The following MED1 variants were observed in gnomAD, a reference collection of about 807,000 sequenced individuals.
The protein encoded by MED1 is mediator of RNA polymerase II transcription subunit 1.
In MED1, 17 loss-of-function variants were observed where a neutral mutation model predicts 121.3. The observed-to-expected ratio is 0.14, with a 90% confidence interval of 0.10 to 0.21. MED1 has a LOEUF of 0.21. MED1 is among the 10% of genes least tolerant of loss of function. The pLI is 1.00. For missense variants in MED1, 1,558 were observed against 1,919.4 expected, an observed-to-expected ratio of 0.81 and a Z score of 3.52; for synonymous variants, 661 against 694.4, an observed-to-expected ratio of 0.95 and a Z score of 0.76.
At position 39,419,858 on chromosome 17, in the gene MED1, G is replaced by A; in HGVS notation, c.1156C>T (p.Arg386Ter). 6.2e-7 allele frequency: 1 copy of A among 1,614,092 alleles called. No homozygotes were observed. The highest frequency in any genetic ancestry group is 8.5e-7 in the Non-Finnish European group (1 of 1,179,994). Residue 386 changes from arginine (R) to a stop codon, truncating the protein, a stop_gained, in exon 14 of 17, where the codon CGA (arginine) becomes TGA (stop). Transcript: ENST00000300651. LOFTEE classifies it high-confidence loss of function. ...LNKDAPLPDGRSLQGTLVSKI... is the reference protein window; with the variant it reads ...LNKDAPLPDG ...CTAACAAGGGTTCCCTGTAGACTTC[G>A]GCCATCTGGAAGAGGAGCATCCTTG...
chr17:39,412,205 CAT>C (rs1290878497), intron 16 of MED1, among the ~76,000 whole-genome samples: 1 of 150,694 alleles, frequency 6.6e-6, no homozygotes, highest in Non-Finnish European at 1.5e-5. Context: ...TGCTCTAGAA[CAT>C]ATGTCAGCAA....
chr17:39,408,351 A>G lies in MED1; in HGVS notation c.3870T>C (p.Ser1290=), dbSNP rs1203903257. ...TGTTTCTGCTGGGAGATTTTCCTTT[A>G]GAACTCCCATGCTGGTTCTGAGAGG... is the stretch of plus-strand genomic sequence containing the variant. The part of the protein sequence containing the change: ...MSSSQNQHGS[S]KGKSPSRNKK... The change falls in exon 17 of 17, where the codon TCT becomes TCC. Residue 1290 remains serine, a synonymous_variant. Transcript: ENST00000300651. This position sits in a 1 kb window ranked among gnomAD's most constrained non-coding sequence, Gnocchi z 4.7. The G allele has an allele frequency of 2.5e-6, 4 of 1,614,160 alleles. No homozygotes were observed. The highest frequency in any genetic ancestry group is 2.7e-5 in the African/African-American group (2 of 75,044).
chr17:39,427,969 C>T (rs565358808), intron 9 of MED1, among the ~76,000 whole-genome samples, 179 bp from the exon 10 acceptor site: 1 of 152,196 alleles, frequency 6.6e-6, no homozygotes, highest in East Asian at 1.9e-4. Flanking sequence ...GTAATCCTGG[C>T]TCTCTGGGAG....
chr17:39,408,188 T>C lies in MED1; in HGVS notation c.4033A>G (p.Asn1345Asp). The change falls in exon 17 of 17, where the codon AAC becomes GAC. Residue 1345 changes from asparagine (N) to aspartate (D), a missense_variant. By Grantham distance (23) the Asn-to-Asp change is conservative. Coordinates refer to ENST00000300651, the MANE Select transcript of MED1 (RefSeq NM_004774.4). The surrounding 1 kb of genome is among the most constrained non-coding windows in gnomAD (Gnocchi z 4.7). ...CCCTGAAACTCTCCTCCTGACATGT[T>C]ATGTTTGGAGGACATAGGATGGCTG... ...SSSHPMSSKH[N>D]MSGGEFQGKR... 3 of 1,614,062 alleles carry C rather than the reference T, an allele frequency of 1.9e-6. No homozygotes were observed. The highest frequency in any genetic ancestry group is 1.1e-5 in the South Asian group (1 of 91,082).
chr17:39,408,455 A>C lies in MED1; in HGVS notation c.3766T>G (p.Ser1256Ala). 8 of 1,614,156 alleles carry C rather than the reference A, an allele frequency of 5.0e-6. No individual in the cohort carries two copies. Among genetic ancestry groups the C allele is most frequent in the Non-Finnish European group, 5.9e-6 (7 of 1,180,034 alleles). ...TTAGATGATGGGGGAGTTTTCTGGG[A>C]CAACGAGCCTGAGGATCCTAACCCT... ...SSGLGSSGSL[S>A]QKTPPSSNSC... The change falls in exon 17 of 17, where the codon TCC becomes GCC. Residue 1256 changes from serine (S) to alanine (A), a missense_variant. Coordinates refer to ENST00000300651, the MANE Select transcript of MED1 (RefSeq NM_004774.4). This position sits in a 1 kb window ranked among gnomAD's most constrained non-coding sequence, Gnocchi z 4.7.
chr17:39,407,138 GAAGAA>G lies in MED1; in HGVS notation c.*332_*336del. 9.9e-7 allele frequency: 1 copy of G among 1,011,180 alleles called. No homozygotes were observed. Among genetic ancestry groups the G allele is most frequent in the Non-Finnish European group, 1.2e-6 (1 of 846,864 alleles). The allele number at this position is 1,011,180 out of a possible 1,614,324, so 62.6% of individuals were successfully genotyped here. ...CATGGCCTAAAAATGGAAAAAGGGAGAAGAAAATATATATGAATATTTCCCACAAA... is the reference window on the plus strand; with the variant it reads ...CATGGCCTAAAAATGGAAAAAGGGAGAATATATATGAATATTTCCCACAAA... On this transcript the variant is annotated 3_prime_UTR_variant, in exon 17 of 17. Coordinates refer to ENST00000300651, the MANE Select transcript of MED1 (RefSeq NM_004774.4).
chr17:39,436,590 T>C (rs970257456), intron 6 of MED1, among the ~76,000 whole-genome samples: 5 of 152,104 alleles, frequency 3.3e-5, no homozygotes. Context: ...AAATCCACTA[T>C]CTGCTAAAAG....
At chr17:39,434,580 A>C (rs1272669025) in intron 6 of MED1, among the ~76,000 whole-genome samples, 1 of 152,186 alleles carries the variant, frequency 6.6e-6, no homozygotes, top group African/African-American at 2.4e-5. Context: ...GGTGGGCAAA[A>C]TCTCTTTACC....
At chr17:39,426,949 G>T (rs2048520702) in intron 10 of MED1, among the ~76,000 whole-genome samples, 1 of 151,710 alleles carries the variant, frequency 6.6e-6, no homozygotes, top group Non-Finnish European at 1.5e-5. Context: ...TCACTACGTT[G>T]CCCAGGCTGG....
chr17:39,408,058 C>A lies in MED1; in HGVS notation c.4163G>T (p.Gly1388Val). ...TSESKNVGST[G>V]VAKIIISKHD... ...CTTACTGATGATAATTTTTGCCACA[C>A]CTGTGCTCCCCACATTTTTTGACTC... The change falls in exon 17 of 17, where the codon GGT becomes GTT. Residue 1388 changes from glycine (G) to valine (V), a missense_variant. By Grantham distance (109) the Gly-to-Val change is moderately radical (BLOSUM62 -3). Transcript: ENST00000300651. This position sits in a 1 kb window ranked among gnomAD's most constrained non-coding sequence, Gnocchi z 4.7. 3.7e-6 allele frequency: 6 copies of A among 1,614,208 alleles called. No individual in the cohort carries two copies. The highest frequency in any genetic ancestry group is 5.1e-6 in the Non-Finnish European group (6 of 1,180,038).
At chr17:39,433,472 T>G (rs532657060) in intron 7 of MED1, among the ~76,000 whole-genome samples, 1 of 150,966 alleles carries the variant, frequency 6.6e-6, no homozygotes, top group South Asian at 2.1e-4. Flanking sequence ...ATTAAAGGAG[T>G]GAGCCACTGT....
rs192691999 is a variant in MED1 at position 39,410,703 on chromosome 17, C to T, written c.1518G>A (p.Val506=). The T allele has an allele frequency of 1.4e-4, 230 of 1,610,256 alleles. No homozygotes were observed. The highest frequency in any genetic ancestry group is 1.9e-4 in the Non-Finnish European group (225 of 1,177,276). The change falls in exon 17 of 17, where the codon GTG becomes GTA. Residue 506 remains valine (V), a synonymous_variant. Coordinates refer to ENST00000300651, the MANE Select transcript of MED1 (RefSeq NM_004774.4). ...KVVQRCMSIP[V]TMRAIRRKAE... Reference sequence around the variant, plus strand: ...CTTTCCTCCGAATAGCCCTCATCGTCACAGGGATGGACATACATCTGCAAA... The same window carrying T: ...CTTTCCTCCGAATAGCCCTCATCGTTACAGGGATGGACATACATCTGCAAA...
In MED1 at chr17:39,439,181, G is replaced by A. The variant is rs1374992771; in HGVS notation, c.412C>T (p.Leu138Phe). ...HGENPVSCPE[L>F]VQQLREKNFD... ...TTTGCTCACCTTAGCTGCTGTACAA[G>A]CTCCGGACAGCTCTGAAATCAAAGA... The change falls in exon 6 of 17, where the codon CTT becomes TTT. Residue 138 changes from leucine (L) to phenylalanine (F), a missense_variant. Physicochemically the swap from Leu to Phe is conservative, Grantham distance 22 (BLOSUM62 0). Around this residue, in one of 5 missense-constraint regions of MED1, gnomAD observed 443 missense variants for 532.4 expected, o/e 0.83. Coordinates refer to ENST00000300651, the MANE Select transcript of MED1 (RefSeq NM_004774.4). 6.3e-7 allele frequency: 1 copy of A among 1,586,644 alleles called. No homozygotes were observed. The highest frequency in any genetic ancestry group is 8.5e-7 in the Non-Finnish European group (1 of 1,173,978).
chr17:39,432,762 A>G (rs562784134), intron 7 of MED1, among the ~76,000 whole-genome samples: 1 of 151,104 alleles, frequency 6.6e-6, no homozygotes, highest in Admixed American at 6.6e-5. Context: ...CCAAAAAAAA[A>G]CAAAAACCAA....
Position 39,440,370 on chromosome 17 carries a change from T to C in MED1, c.399+16A>G. ...GTAAACCCCACAGATTCCAGTGAAA[T>C]ATCAACAACACATACCACAGGATTC... On this transcript the variant is annotated intron_variant, in intron 5 of 16. Coordinates refer to ENST00000300651, the MANE Select transcript of MED1 (RefSeq NM_004774.4). The surrounding 1 kb of genome is among the most constrained non-coding windows in gnomAD (Gnocchi z 4.1). 6.5e-7 allele frequency: 1 copy of C among 1,538,754 alleles called. No individual in the cohort carries two copies. Among genetic ancestry groups the C allele is most frequent in the Non-Finnish European group, 8.7e-7 (1 of 1,150,948 alleles).
chr17:39,438,387 A>G (rs2048641156), intron 6 of MED1, among the ~76,000 whole-genome samples: 1 of 132,078 alleles, frequency 7.6e-6, no homozygotes, highest in Non-Finnish European at 1.5e-5. Context: ...TCTGTCGCCC[A>G]GGCTGGAGTG....
rs2048339518 is a variant in MED1, at chr17:39,409,864, A to G, written c.2357T>C (p.Ile786Thr). ...GPDVTDILSD[I>T]AEEASKLPST... ...GGGAAGTTTAGAAGCTTCTTCTGCA[A>G]TGTCTGAAAGGATGTCAGTTACATC... Residue 786 changes from isoleucine (I) to threonine (T), a missense_variant, in exon 17 of 17, where the codon ATT becomes ACT. Around this residue, in one of 5 missense-constraint regions of MED1, gnomAD observed 793 missense variants for 898.2 expected, o/e 0.88. Coordinates refer to ENST00000300651, the MANE Select transcript of MED1 (RefSeq NM_004774.4). The G allele has an allele frequency of 1.2e-6, 2 of 1,614,160 alleles. No individual in the cohort carries two copies. The highest frequency in any genetic ancestry group is 8.5e-7 in the Non-Finnish European group (1 of 1,180,034).
intron 10 of MED1, among the ~76,000 whole-genome samples, chr17:39,427,120 T>A (rs1190810743): frequency 6.6e-6 from 1 of 152,176 alleles, no homozygotes; most frequent in African/African-American, 2.4e-5. Context: ...AAGCTGATTA[T>A]CTCAGGTCAG....
rs764814775 is a variant in MED1, at chr17:39,415,287, G to A, written c.1350C>T (p.Phe450=). 5 of 1,613,988 alleles carry A rather than the reference G, an allele frequency of 3.1e-6. No homozygotes were observed. In the South Asian group the frequency reaches 5.5e-5, roughly 18 times the overall value. The change falls in exon 15 of 17, where the codon TTC becomes TTT. Residue 450 remains phenylalanine (F), a synonymous_variant. Coordinates refer to ENST00000300651, the MANE Select transcript of MED1 (RefSeq NM_004774.4). Reference sequence around the variant, plus strand: ...TCACAGGGTGCTGAAAAGATACGCTGAAACGAGACTCTGAGAGAGGACACA... The same window carrying A: ...TCACAGGGTGCTGAAAAGATACGCTAAAACGAGACTCTGAGAGAGGACACA... ...FEVCPLSESR[F]SVSFQHPVND...
Sources: allele counts gnomAD v4.1 joint callset (sites outside exome capture counted in the v4.1 genomes callset), GRCh38; gene constraint gnomAD v4.1.1; regional missense constraint gnomAD v4.1.1; non-coding constraint Gnocchi (gnomAD v3.1); transcripts MANE v1.5; gene names NCBI Gene and HGNC (gene_info 2026-07-23, HGNC 2026-07-21).